Variants in OSBPL10 observed in about 807,000 individuals in gnomAD.
OSBPL10 encodes the protein oxysterol-binding protein-related protein 10.
In OSBPL10, 49 loss-of-function variants were observed where a neutral mutation model predicts 81.7. That is an observed-to-expected ratio of 0.60 (90% CI 0.48 to 0.76). The LOEUF (loss-of-function observed/expected upper bound fraction) is 0.76. Among genes scored for constraint, OSBPL10 ranks in the 30% least tolerant of loss-of-function variants. The pLI is 0.00. For synonymous variants in OSBPL10, 419 were observed against 383.6 expected, an observed-to-expected ratio of 1.09 and a Z score of -1.08; for missense variants, 923 against 987.8, an observed-to-expected ratio of 0.93 and a Z score of 0.88.
chr3:31,761,363 T>C (rs1698033274), intron 4 of OSBPL10, among the ~76,000 whole-genome samples: 2 of 151,338 alleles, frequency 1.3e-5, no homozygotes, highest in African/African-American at 4.9e-5. Flanking sequence ...TCCCAGCTAC[T>C]TGGGAAGCTG....
intron 3 of OSBPL10, among the ~76,000 whole-genome samples, chr3:31,856,149 T>C (rs962779864): frequency 1.3e-4 from 19 of 148,998 alleles, no homozygotes; most frequent in Admixed American, 1.1e-3. Flanking sequence ...TGACCTAAAA[T>C]GATCTTCCTG....
chr3:31,851,781 C>T (rs2125577571), intron 3 of OSBPL10, among the ~76,000 whole-genome samples: 1 of 152,284 alleles, frequency 6.6e-6, no homozygotes, highest in Admixed American at 6.5e-5. Context: ...GTTCAGAACC[C>T]CCTCCATCCC....
intron 2 of OSBPL10, among the ~76,000 whole-genome samples, chr3:32,034,067 A>C (rs975332908): frequency 7.2e-5 from 11 of 152,314 alleles, no homozygotes; most frequent in African/African-American, 2.6e-4. Context: ...AGTGAGTGCA[A>C]GCAGGGGAAA....
At chr3:31,736,001 C>A (rs183034585) in intron 5 of OSBPL10, among the ~76,000 whole-genome samples, 117 of 152,072 alleles carry the variant, frequency 7.7e-4, no homozygotes, top group African/African-American at 2.6e-3. Flanking sequence ...CTGAAGAAAT[C>A]GGAGACAGAA....
Position 31,942,001 on chromosome 3 carries a change from A to G in OSBPL10, c.281+38898T>C, listed in dbSNP as rs866855077. Among the ~76,000 whole-genome samples the G allele has an allele frequency of 8.1e-4, 124 of 152,278 alleles. 1 individual carries two copies. The highest frequency in any genetic ancestry group is 2.6e-3 in the African/African-American group (110 of 41,550). On this transcript the variant is annotated intron_variant, in intron 1 of 11. Transcript: ENST00000396556. Reference sequence around the variant, plus strand: ...TCGAGAATGCAATGTATGGCAGGGCACGGTGGCTCACGCCTGTAATCCCAG... The same window carrying G: ...TCGAGAATGCAATGTATGGCAGGGCGCGGTGGCTCACGCCTGTAATCCCAG...
intron 1 of OSBPL10, among the ~76,000 whole-genome samples, chr3:31,901,561 C>A (rs1696241970): frequency 6.6e-6 from 1 of 152,212 alleles, no homozygotes; most frequent in South Asian, 2.1e-4. Flanking sequence ...CTTTCTCATA[C>A]CAGATTCCCT....
At chr3:31,904,781 C>A (rs1033566997) in intron 1 of OSBPL10, among the ~76,000 whole-genome samples, 1 of 152,320 alleles carries the variant, frequency 6.6e-6, no homozygotes. Flanking sequence ...CATTTCCAAT[C>A]TGGGTCTGAA....
intron 3 of OSBPL10, among the ~76,000 whole-genome samples, chr3:31,838,574 A>C (rs2125548943): frequency 6.6e-6 from 1 of 150,406 alleles, no homozygotes; most frequent in African/African-American, 2.4e-5. Flanking sequence ...AAGTGATGCT[A>C]TTAGGTGGTA....
At chr3:31,858,033 T>C (rs1197422789) in intron 3 of OSBPL10, among the ~76,000 whole-genome samples, 4 of 151,542 alleles carry the variant, frequency 2.6e-5, no homozygotes, top group Non-Finnish European at 5.9e-5. Flanking sequence ...TCTCGTTCTA[T>C]TGCCCAGACT....
intron 1 of OSBPL10, among the ~76,000 whole-genome samples, chr3:31,928,270 C>A (rs927080192): frequency 6.6e-6 from 1 of 152,166 alleles, no homozygotes; most frequent in Admixed American, 6.5e-5. Context: ...ACCAAAACAT[C>A]CTGTCCATTT....
chr3:31,736,996 C>T (rs1167711405), intron 5 of OSBPL10, among the ~76,000 whole-genome samples: 5 of 152,192 alleles, frequency 3.3e-5, no homozygotes, highest in Admixed American at 3.3e-4. Context: ...TGTCTCCCTC[C>T]CCTCTATCCC....
intron 4 of OSBPL10, among the ~76,000 whole-genome samples, chr3:31,755,835 C>T (rs1364626133): frequency 6.6e-6 from 1 of 152,170 alleles, no homozygotes; most frequent in African/African-American, 2.4e-5. Flanking sequence ...TGAATTGCAC[C>T]TACACACTCA....
chr3:31,978,816 C>T (rs542556523), intron 1 of OSBPL10, among the ~76,000 whole-genome samples: 76 of 152,264 alleles, frequency 5.0e-4, no homozygotes, highest in African/African-American at 1.8e-3. Flanking sequence ...CCTGCTATCA[C>T]GTAGGTATTA....
chr3:31,741,359 G>C (rs1697344393), intron 5 of OSBPL10, among the ~76,000 whole-genome samples: 1 of 152,214 alleles, frequency 6.6e-6, no homozygotes. Context: ...CCGCCTCCCA[G>C]GTTCAAGTGA....
intron 7 of OSBPL10, chr3:31,701,923 G>A (rs1695907379): frequency 1.3e-5 from 2 of 159,994 alleles, no homozygotes; most frequent in Non-Finnish European, 1.4e-5. Context: ...TCGTGAGGTT[G>A]GGCGTGTAGA....
chr3:31,795,134 C>CT (rs537149885), intron 4 of OSBPL10: 1,477 of 71,514 alleles, frequency 0.021, 134 homozygotes, highest in East Asian at 0.082. Context: ...TTCATAAAAC[C>CT]TTTTTTTTTT....
chr3:31,975,253 G>A (rs903910907), intron 1 of OSBPL10, among the ~76,000 whole-genome samples: 2 of 151,900 alleles, frequency 1.3e-5, no homozygotes, highest in Non-Finnish European at 2.9e-5. Context: ...TTTAGCACAC[G>A]GCCTCAAAAC....
chr3:31,756,615 T>C (rs1385720561), intron 4 of OSBPL10, among the ~76,000 whole-genome samples: 2 of 152,214 alleles, frequency 1.3e-5, no homozygotes, highest in African/African-American at 2.4e-5. Context: ...TAACCTTTGA[T>C]CACTTTAGAA....
chr3:31,838,583 T>C (rs1363044927), intron 3 of OSBPL10, among the ~76,000 whole-genome samples: 1 of 147,308 alleles, frequency 6.8e-6, no homozygotes, highest in African/African-American at 2.5e-5. Context: ...TATTAGGTGG[T>C]AGGGCCTTGG....
Sources: allele counts gnomAD v4.1 joint callset (sites outside exome capture counted in the v4.1 genomes callset), GRCh38; gene constraint gnomAD v4.1.1; transcripts MANE v1.5; gene names NCBI Gene and HGNC (gene_info 2026-07-23, HGNC 2026-07-21).